The following IGSF10 variants were observed in gnomAD, a reference collection of about 807,000 sequenced individuals.
IGSF10 encodes immunoglobulin superfamily member 10, also known as calvaria mechanical force protein 608.
In IGSF10, 126 loss-of-function variants were observed where a neutral mutation model predicts 128.2. The ratio of observed to expected loss-of-function variants is 0.98; its 90% CI spans 0.85 to 1.14. The LOEUF is 1.14. IGSF10 is among the 50% of genes most tolerant of loss of function. The pLI is 0.00. For synonymous variants in IGSF10, 1,185 were observed against 1,146.2 expected (o/e 1.03, Z -0.68); for missense variants, 3,295 against 3,149.8 (o/e 1.05, Z -1.10).
At chr3:151,583,722 T>C in the IGSF10 span, among the ~76,000 whole-genome samples, 1,493 of 152,346 alleles carry the variant, frequency 9.8e-3, 27 homozygotes, top group African/African-American at 0.033. Context: ...ACTTAAAGTA[T>C]AATAATAAAT....
At chr3:151,605,296 T>C in the IGSF10 span, among the ~76,000 whole-genome samples, 9 of 152,210 alleles carry the variant, frequency 5.9e-5, no homozygotes, top group Non-Finnish European at 1.3e-4. Context: ...TTTGCAAATA[T>C]AGAATCTGTG....
the IGSF10 span, among the ~76,000 whole-genome samples, chr3:151,619,629 G>GTA: frequency 6.0e-4 from 91 of 152,034 alleles, no homozygotes; most frequent in Non-Finnish European, 9.1e-4. Context: ...AAATAAGTGG[G>GTA]TATGTAAATT....
the IGSF10 span, among the ~76,000 whole-genome samples, chr3:151,510,280 C>T: frequency 6.6e-6 from 1 of 152,168 alleles, no homozygotes; most frequent in African/African-American, 2.4e-5. Context: ...GACAAAACTT[C>T]CAGAGGAACG....
rs141321146 is a variant in IGSF10 at position 151,458,594 on chromosome 3, G to A, written c.116C>T (p.Thr39Met). The change falls in exon 3 of 8, where the codon ACG (threonine) becomes ATG (methionine). Residue 39 changes from threonine to methionine, a missense_variant. Coordinates refer to ENST00000282466, the MANE Select transcript of IGSF10 (RefSeq NM_178822.5). ...GTACCGAAATGTGCAGTGTACCTCC[G>A]TAGGCATATAACAGGCACAGCGGCG... ...CPRRCACYMP[T>M]EVHCTFRYLT... is the part of the protein sequence containing the mutation. 38 of 1,614,116 alleles carry A rather than the reference G, an allele frequency of 2.4e-5. No homozygotes were observed. The African/African-American group carries it at 2.8e-4, about 12-fold the overall frequency.
At chr3:151,524,293 G>A in the IGSF10 span, among the ~76,000 whole-genome samples, 20 of 152,080 alleles carry the variant, frequency 1.3e-4, no homozygotes, top group African/African-American at 4.6e-4. Flanking sequence ...TACCCAGAGG[G>A]ATATAAATTA....
Position 151,436,552 on chromosome 3 carries a change from C to G in IGSF10, c.*137G>C. 1 of 614,618 alleles carries G rather than the reference C, an allele frequency of 1.6e-6. No homozygotes were observed. The highest frequency in any genetic ancestry group is 3.3e-5 in the Admixed American group (1 of 30,062). 38.1% of individuals were successfully genotyped at this position (614,618 alleles called of 1,614,324 possible). ...TTCATAATGCATTTATTTACAAGTC[C>G]TTTTATTTTGCATGTTCATTGTAAA... On this transcript the variant is annotated 3_prime_UTR_variant, in exon 8 of 8. Coordinates refer to ENST00000282466, the MANE Select transcript of IGSF10 (RefSeq NM_178822.5).
chr3:151,533,741 T>C, the IGSF10 span, among the ~76,000 whole-genome samples: 1 of 152,168 alleles, frequency 6.6e-6, no homozygotes, highest in Non-Finnish European at 1.5e-5. Flanking sequence ...GACATAGGCA[T>C]GGGCAAGGAC....
chr3:151,437,812 G>A lies in IGSF10; in HGVS notation c.6749C>T (p.Thr2250Ile), dbSNP rs1239368613. The A allele has an allele frequency of 3.7e-6, 6 of 1,613,776 alleles. No homozygotes were observed. The highest frequency in any genetic ancestry group is 5.1e-6 in the Non-Finnish European group (6 of 1,180,000). Reference protein sequence around the residue: ...LYTNRTVIKATAVRHSKKHFD... With the variant: ...LYTNRTVIKAIAVRHSKKHFD... ...GTGTTTTTTGGAATGTCTCACAGCTGTGGCTTTAATAACAGTTCTGTTTGT... is the reference window on the plus strand; with the variant it reads ...GTGTTTTTTGGAATGTCTCACAGCTATGGCTTTAATAACAGTTCTGTTTGT... The change falls in exon 8 of 8, where the codon ACA becomes ATA. Residue 2250 changes from threonine to isoleucine, a missense_variant. By Grantham distance (89) the Thr-to-Ile change is moderately conservative. Transcript: ENST00000282466.
the IGSF10 span, among the ~76,000 whole-genome samples, chr3:151,527,325 A>G: frequency 2.0e-5 from 3 of 152,180 alleles, no homozygotes; most frequent in Non-Finnish European, 4.4e-5. Flanking sequence ...TTCTCAAGCA[A>G]TTCCCTCATC....
chr3:151,505,981 T>C, the IGSF10 span, among the ~76,000 whole-genome samples: 2 of 150,540 alleles, frequency 1.3e-5, no homozygotes, highest in East Asian at 3.9e-4. Flanking sequence ...AGATGGAGTC[T>C]CGCTCTGTTG....
At chr3:151,495,564 A>T in the IGSF10 span, among the ~76,000 whole-genome samples, 1 of 133,578 alleles carries the variant, frequency 7.5e-6, no homozygotes, top group Non-Finnish European at 1.6e-5. Context: ...TAACTCAAAA[A>T]TTTAATTTTC....
chr3:151,447,809 T>A lies in IGSF10; in HGVS notation c.2172A>T (p.Leu724Phe). ...STSKRHNYRE[L>F]TLQRRGDSTH... ...TTGAATCTCCACGTCGCTGGAGTGT[T>A]AATTCCCGATAGTTGTGCCTCTTAC... Residue 724 changes from leucine (L) to phenylalanine (F), a missense_variant, in exon 6 of 8, where the codon TTA becomes TTT. Transcript: ENST00000282466. 1 of 1,614,164 alleles carries A rather than the reference T, an allele frequency of 6.2e-7. No homozygotes were observed.
chr3:151,438,026 A>G lies in IGSF10; in HGVS notation c.6535T>C (p.Ser2179Pro). The G allele has an allele frequency of 6.2e-7, 1 of 1,614,172 alleles. No individual in the cohort carries two copies. Among genetic ancestry groups the G allele is most frequent in the South Asian group, 1.1e-5 (1 of 91,078 alleles). ...PKPKIFWLLP[S>P]NDMISFSIDR... Reference sequence around the variant, plus strand: ...ATGGAGAAGGAAATCATGTCATTGGAAGGCAGCAACCAAAATATTTTTGGT... The same window carrying G: ...ATGGAGAAGGAAATCATGTCATTGGGAGGCAGCAACCAAAATATTTTTGGT... The change falls in exon 8 of 8, where the codon TCC (serine) becomes CCC (proline). Residue 2179 changes from serine (S) to proline (P), a missense_variant. Coordinates refer to ENST00000282466, the MANE Select transcript of IGSF10 (RefSeq NM_178822.5).
In IGSF10 at chr3:151,453,795, C is replaced by T. The variant is rs771325497; in HGVS notation, c.325-21G>A. Reference sequence around the variant, plus strand: ...AAGACCTATGAATTAAAAAAAAGAACATATTTATGTTGTCAAAGGAATTTT... The same window carrying T: ...AAGACCTATGAATTAAAAAAAAGAATATATTTATGTTGTCAAAGGAATTTT... On this transcript the variant is annotated intron_variant, in intron 4 of 7. Transcript: ENST00000282466. 2.9e-6 allele frequency: 4 copies of T among 1,401,796 alleles called. No homozygotes were observed. The South Asian group carries it at 5.7e-5, about 20-fold the overall frequency. The allele number at this position is 1,401,796 out of a possible 1,614,324, so 86.8% of individuals were successfully genotyped here.
At chr3:151,455,365 G>C (rs199800415) in intron 4 of IGSF10, among the ~76,000 whole-genome samples, 1 of 130,934 alleles carries the variant, frequency 7.6e-6, no homozygotes, top group Non-Finnish European at 1.7e-5. Context: ...GCCCCCCCTT[G>C]GCCTCCCAAA....
chr3:151,506,113 A>G, the IGSF10 span, among the ~76,000 whole-genome samples: 1 of 152,116 alleles, frequency 6.6e-6, no homozygotes, highest in Non-Finnish European at 1.5e-5. Context: ...CACTACGCTC[A>G]GCTAATTTTT....
the IGSF10 span, among the ~76,000 whole-genome samples, chr3:151,551,890 T>C: frequency 6.6e-6 from 1 of 152,188 alleles, no homozygotes; most frequent in East Asian, 1.9e-4. Flanking sequence ...GTCTTAGCTG[T>C]GATTCAAACA....
the IGSF10 span, among the ~76,000 whole-genome samples, chr3:151,616,130 A>G: frequency 2.0e-5 from 3 of 151,214 alleles, no homozygotes; most frequent in Non-Finnish European, 1.5e-5. Context: ...ACACCCAGCT[A>G]ATTTTGTATT....
the IGSF10 span, among the ~76,000 whole-genome samples, chr3:151,604,592 AACACACACAC>A: frequency 1.0e-4 from 15 of 144,650 alleles, no homozygotes; most frequent in Middle Eastern, 3.6e-3. Flanking sequence ...GTACCAATAT[AACACACACAC>A]ACACACACAC....
Sources: gnomAD v4.1 joint callset for allele counts (sites outside exome capture counted in the v4.1 genomes callset) on GRCh38, gnomAD v4.1.1 for gene constraint, MANE v1.5 for transcripts, NCBI Gene and HGNC (gene_info 2026-07-23, HGNC 2026-07-21) for gene names.